YWHAQ: variants seen among roughly 807,000 people sequenced by gnomAD.
YWHAQ encodes the protein 14-3-3 protein theta.
Under a neutral mutation model 28.3 loss-of-function variants are expected in YWHAQ, and 6 were observed. The observed-to-expected ratio is 0.21, with a 90% CI of 0.12 to 0.42. The LOEUF (loss-of-function observed/expected upper bound fraction) is 0.42, where lower values mean the gene tolerates loss of function less well. Among genes scored for constraint, YWHAQ ranks in the 10% least tolerant of loss-of-function variants. The probability of loss-of-function intolerance (pLI) is 1.00; values close to 1 mark genes in which losing one functional copy is unlikely to be tolerated. For synonymous variants in YWHAQ, 143 were observed against 119.1 expected (o/e 1.20, Z -1.31); for missense variants, 201 against 305.6 (o/e 0.66, Z 2.55).
intron 5 of YWHAQ, among the ~76,000 whole-genome samples, 197 bp downstream of exon 5, chr2:9,587,217 T>G (rs1666361843): frequency 6.6e-6 from 1 of 152,234 alleles, no homozygotes; most frequent in Admixed American, 6.5e-5. Context: ...TGTTAGAACC[T>G]TCTCAGGAAG....
chr2:9,606,560 C>T (rs1227958369), intron 2 of YWHAQ, among the ~76,000 whole-genome samples: 7 of 152,194 alleles, frequency 4.6e-5, no homozygotes, highest in African/African-American at 1.4e-4. Flanking sequence ...GACGGAGTCT[C>T]GCTCTGTTGC....
intron 2 of YWHAQ, among the ~76,000 whole-genome samples, chr2:9,592,590 T>C (rs1449715108): frequency 6.6e-6 from 1 of 152,032 alleles, no homozygotes; most frequent in African/African-American, 2.4e-5. Flanking sequence ...CCAAGCGTGA[T>C]GGTGGGCACC....
rs573583454 is a variant in YWHAQ, at chr2:9,619,775, G to A, written c.294+10384C>T. 1.9e-3 allele frequency among the ~76,000 whole-genome samples: 286 copies of A among 152,168 alleles called. 1 individual carries two copies. The highest frequency in any genetic ancestry group is 3.3e-3 in the Non-Finnish European group (226 of 68,004). On this transcript the variant is annotated intron_variant, in intron 2 of 5. Coordinates refer to ENST00000238081, the MANE Select transcript of YWHAQ (RefSeq NM_006826.4). ...CTCTTATCCATCAGAATCCCAAGAGGGCAAACACTAGCACTGAAGATCTAA... is the reference window on the plus strand; with the variant it reads ...CTCTTATCCATCAGAATCCCAAGAGAGCAAACACTAGCACTGAAGATCTAA...
intron 5 of YWHAQ, among the ~76,000 whole-genome samples, chr2:9,585,908 T>G (rs6432021): frequency 1 from 146,165 of 146,238 alleles, 73,046 homozygotes; most frequent in Middle Eastern, 1. Flanking sequence ...GTGAGATCCT[T>G]TCTCAAAAAA....
chr2:9,627,980 C>T (rs1162875161), intron 2 of YWHAQ, among the ~76,000 whole-genome samples: 1 of 152,178 alleles, frequency 6.6e-6, no homozygotes, highest in Non-Finnish European at 1.5e-5. Flanking sequence ...GTTCATTAAC[C>T]ATCTGATGGG....
chr2:9,614,093 C>T (rs544652205), intron 2 of YWHAQ, among the ~76,000 whole-genome samples: 4 of 152,302 alleles, frequency 2.6e-5, no homozygotes, highest in African/African-American at 9.6e-5. Context: ...GCTATATCCC[C>T]ACATTTTAGA....
At chr2:9,621,195 C>G (rs992161984) in intron 2 of YWHAQ, among the ~76,000 whole-genome samples, 5 of 152,126 alleles carry the variant, frequency 3.3e-5, no homozygotes, top group Non-Finnish European at 5.9e-5. Flanking sequence ...GTCCTGAGAT[C>G]AAATTTGTGA....
rs1368721732 is a variant in YWHAQ, at chr2:9,584,676, G to C, written c.*610C>G. On this transcript the variant is annotated 3_prime_UTR_variant, in exon 6 of 6. Transcript: ENST00000238081. Reference sequence around the variant, plus strand: ...GGCAACTTAAACAGCAGCAAATAAAGAGTGAATAAGGAAACTCCCTGTTGC... The same window carrying C: ...GGCAACTTAAACAGCAGCAAATAAACAGTGAATAAGGAAACTCCCTGTTGC... 6.6e-6 allele frequency: 1 copy of C among 152,618 alleles called. No individual in the cohort carries two copies. Among genetic ancestry groups the C allele is most frequent in the African/African-American group, 2.4e-5 (1 of 41,448 alleles). 9.5% of individuals were successfully genotyped at this position (152,618 alleles called of 1,614,324 possible).
chr2:9,618,881 C>T (rs906309044), intron 2 of YWHAQ, among the ~76,000 whole-genome samples: 7 of 152,038 alleles, frequency 4.6e-5, no homozygotes, highest in Non-Finnish European at 8.8e-5. Flanking sequence ...TCAGAGAATA[C>T]GTGTTAAATG....
chr2:9,608,738 C>G (rs562572704), intron 2 of YWHAQ, among the ~76,000 whole-genome samples: 46 of 152,336 alleles, frequency 3.0e-4, no homozygotes, highest in Middle Eastern at 6.8e-3. Context: ...CACTTGAGGT[C>G]AGGAGTTCGA....
intron 2 of YWHAQ, among the ~76,000 whole-genome samples, chr2:9,594,690 AT>A (rs1468170605): frequency 2.0e-5 from 3 of 152,190 alleles, no homozygotes; most frequent in African/African-American, 7.2e-5. Flanking sequence ...TGGTGAAGAT[AT>A]TATTTATGGT....
chr2:9,600,622 T>C (rs1467816015), intron 2 of YWHAQ, among the ~76,000 whole-genome samples: 1 of 152,020 alleles, frequency 6.6e-6, no homozygotes, highest in African/African-American at 2.4e-5. Flanking sequence ...GGAGAATTGA[T>C]TGAACCCGGG....
rs1353698786 is a variant in YWHAQ, at chr2:9,630,699, G to T, written c.-82-165C>A. ...GCACCCGGGGAGGCCGCGGCCCGCG[G>T]CTGGAGGAGGCGGGGGCGGCGCGGA... On this transcript the variant is annotated intron_variant, in intron 1 of 5. Transcript: ENST00000238081. This position sits in a 1 kb window ranked among gnomAD's most constrained non-coding sequence, Gnocchi z 5.6. 1 of 242,610 alleles carries T rather than the reference G, an allele frequency of 4.1e-6. No individual in the cohort carries two copies. Among genetic ancestry groups the T allele is most frequent in the Non-Finnish European group, 7.8e-6 (1 of 127,806 alleles). The allele number at this position is 242,610 out of a possible 1,614,324, so 15.0% of individuals were successfully genotyped here.
chr2:9,589,303 A>G (rs1262020426), intron 3 of YWHAQ, among the ~76,000 whole-genome samples: 1 of 152,150 alleles, frequency 6.6e-6, no homozygotes, highest in African/African-American at 2.4e-5. Flanking sequence ...TTTGACTGGA[A>G]TAATTTACAG....
chr2:9,597,985 A>ATTTTTTTTTTTTTTTTTTTTTTT (rs547582835), intron 2 of YWHAQ, among the ~76,000 whole-genome samples: 1 of 62,480 alleles, frequency 1.6e-5, no homozygotes, highest in Non-Finnish European at 3.1e-5. Flanking sequence ...ATGCCGGGCT[A>ATTTTTTTTTTTTTTTTTTTTTTT]TTTTTTTTTT....
intron 2 of YWHAQ, among the ~76,000 whole-genome samples, chr2:9,605,444 T>C (rs1283092794): frequency 6.6e-6 from 1 of 152,210 alleles, no homozygotes; most frequent in East Asian, 1.9e-4. Flanking sequence ...GCCTCTGCTC[T>C]GTTTCTAAGC....
chr2:9,592,174 T>C (rs113978532), intron 2 of YWHAQ, among the ~76,000 whole-genome samples: 146 of 152,286 alleles, frequency 9.6e-4, no homozygotes, highest in African/African-American at 3.1e-3. Context: ...CCATCTAAAA[T>C]GAGGTAAATA....
At chr2:9,621,484 A>C (rs573982257) in intron 2 of YWHAQ, among the ~76,000 whole-genome samples, 1 of 152,302 alleles carries the variant, frequency 6.6e-6, no homozygotes, top group East Asian at 1.9e-4. Context: ...GAACACCCCC[A>C]CATATCCACC....
intron 2 of YWHAQ, among the ~76,000 whole-genome samples, chr2:9,593,397 C>T (rs775579634): frequency 6.6e-6 from 1 of 152,040 alleles, no homozygotes; most frequent in Non-Finnish European, 1.5e-5. Flanking sequence ...TTAGTAGAGA[C>T]AGGGTTTCAC....
Sources: allele counts gnomAD v4.1 joint callset (sites outside exome capture counted in the v4.1 genomes callset), GRCh38; gene constraint gnomAD v4.1.1; non-coding constraint Gnocchi (gnomAD v3.1); transcripts MANE v1.5; gene names NCBI Gene and HGNC (gene_info 2026-07-23, HGNC 2026-07-21).